Variants in ABHD5 observed in about 807,000 individuals in gnomAD.
The protein encoded by ABHD5 is 1-acylglycerol-3-phosphate O-acyltransferase ABHD5.
A neutral mutation model predicts 44.9 loss-of-function variants in ABHD5; 30 were observed. That is an observed-to-expected ratio of 0.67 (90% CI 0.50 to 0.91). The LOEUF (loss-of-function observed/expected upper bound fraction) is 0.91, where lower values mean the gene tolerates loss of function less well. Among genes scored for constraint, ABHD5 ranks in the 40% least tolerant of loss-of-function variants. The pLI, the probability that ABHD5 is intolerant of heterozygous loss-of-function variation, is 0.00. For synonymous variants in ABHD5, 167 were observed against 147.0 expected (o/e 1.14, Z -0.99); for missense variants, 399 against 423.4 (o/e 0.94, Z 0.50).
chr3:43,699,241 C>A, intron 1 of ABHD5, 35 bp from the exon 2 acceptor site: 1 of 1,555,928 alleles, frequency 6.4e-7, no homozygotes, highest in Non-Finnish European at 8.9e-7. Flanking sequence ...AGAGCATGAA[C>A]TCACCTATTT....
intron 5 of ABHD5, 25 bp from the exon 6 acceptor site, chr3:43,717,646 C>T (rs768126868): frequency 3.0e-5 from 48 of 1,611,360 alleles, no homozygotes; most frequent in Non-Finnish European, 3.5e-5. Flanking sequence ...AATCATACAT[C>T]GTGATTTTCT....
At position 43,711,778 on chromosome 3, in the gene ABHD5, A is replaced by T; in HGVS notation, c.576A>T (p.Arg192Ser). ...PERPDLADQD[R>S]PIPVWIRALG... ...GACCAGACCTTGCTGATCAAGACAGACCAATTCCAGTTTGGATCAGAGCCT... is the reference window on the plus strand; with the variant it reads ...GACCAGACCTTGCTGATCAAGACAGTCCAATTCCAGTTTGGATCAGAGCCT... The change falls in exon 4 of 7, where the codon AGA becomes AGT. Residue 192 changes from arginine (R) to serine (S), a missense_variant. Arg to Ser is a moderately radical substitution (Grantham distance 110). Coordinates refer to ENST00000644371, the MANE Select transcript of ABHD5 (RefSeq NM_016006.6). 3.1e-6 allele frequency: 5 copies of T among 1,614,182 alleles called. No individual in the cohort carries two copies. The highest frequency in any genetic ancestry group is 4.2e-6 in the Non-Finnish European group (5 of 1,180,028).
intron 3 of ABHD5, 87 bp from the exon 4 acceptor site, chr3:43,711,622 T>C: frequency 6.7e-7 from 1 of 1,500,728 alleles, no homozygotes; most frequent in Non-Finnish European, 9.3e-7. Context: ...TGGTTCATTC[T>C]ACCTTTATTT....
chr3:43,691,769 G>A (rs1005175599), intron 1 of ABHD5, among the ~76,000 whole-genome samples: 1 of 152,208 alleles, frequency 6.6e-6, no homozygotes, highest in Non-Finnish European at 1.5e-5. Flanking sequence ...TCATCTTTCG[G>A]ATGAAGGTCT....
At chr3:43,733,760 A>G (rs1697288084) in intron 7 of ABHD5, 1 of 152,242 alleles carries the variant, frequency 6.6e-6, no homozygotes, top group African/African-American at 2.4e-5. Context: ...CCATCCTGGC[A>G]TAAATTTTAA....
chr3:43,709,986 T>C (rs1014649709), intron 3 of ABHD5, among the ~76,000 whole-genome samples: 1 of 152,118 alleles, frequency 6.6e-6, no homozygotes, highest in African/African-American at 2.4e-5. Context: ...GAGGTTGAAG[T>C]GAACTGAGAT....
At chr3:43,700,787 T>A (rs929436002) in intron 2 of ABHD5, among the ~76,000 whole-genome samples, 3 of 152,068 alleles carry the variant, frequency 2.0e-5, no homozygotes, top group African/African-American at 7.2e-5. Context: ...TTGACCAGGC[T>A]AGTCTTGAAC....
At chr3:43,725,828 T>G (rs900060660), downstream of ABHD5, among the ~76,000 whole-genome samples, 1 of 151,850 alleles carries the variant, frequency 6.6e-6, no homozygotes, top group Admixed American at 6.6e-5. Context: ...TTTATCAGGT[T>G]CATTAAGGGC....
At chr3:43,705,076 A>G (rs547200212) in intron 3 of ABHD5, among the ~76,000 whole-genome samples, 1 of 152,348 alleles carries the variant, frequency 6.6e-6, no homozygotes, top group South Asian at 2.1e-4. Context: ...GTCAGTCAGA[A>G]CACCATGGTT....
At chr3:43,699,478 T>C in intron 2 of ABHD5, 117 bp downstream of exon 2, 2 of 993,010 alleles carry the variant, frequency 2.0e-6, no homozygotes, top group South Asian at 1.4e-5. Context: ...GCAAAATAAC[T>C]TTTTTCCTTT....
At chr3:43,715,295 G>A (rs894253198) in intron 5 of ABHD5, among the ~76,000 whole-genome samples, 1 of 152,048 alleles carries the variant, frequency 6.6e-6, no homozygotes, top group Admixed American at 6.6e-5. Context: ...TGAGTAGCTG[G>A]GATTACAGGC....
chr3:43,691,762 T>A (rs2084393213), intron 1 of ABHD5, among the ~76,000 whole-genome samples: 1 of 152,198 alleles, frequency 6.6e-6, no homozygotes, highest in South Asian at 2.1e-4. Flanking sequence ...TCATAATTCA[T>A]CTTTCGGATG....
At chr3:43,701,607 A>G (rs1356422009) in intron 2 of ABHD5, among the ~76,000 whole-genome samples, 2 of 152,212 alleles carry the variant, frequency 1.3e-5, no homozygotes, top group Non-Finnish European at 2.9e-5. Flanking sequence ...GGAGATTACT[A>G]GAGTTGGACC....
Position 43,722,325 on chromosome 3 carries a change from G to A in ABHD5, c.*3793G>A, listed in dbSNP as rs2084846203. ...GAATATAGGAAATGAAAAATGTAAA[G>A]CACAGAAGAGAATGTATGGTGTGCT... On this transcript the variant is annotated 3_prime_UTR_variant, in exon 7 of 7. Transcript: ENST00000644371. 6.6e-6 allele frequency: 1 copy of A among 152,192 alleles called. No homozygotes were observed. The allele number at this position is 152,192 out of a possible 1,614,324, so 9.4% of individuals were successfully genotyped here.
chr3:43,713,869 G>T (rs2084722443), intron 4 of ABHD5, among the ~76,000 whole-genome samples: 1 of 152,024 alleles, frequency 6.6e-6, no homozygotes, highest in Non-Finnish European at 1.5e-5. Context: ...TTGCACTTGG[G>T]GGTGGGGAGG....
chr3:43,717,693 A>G lies in ABHD5; in HGVS notation c.796A>G (p.Met266Val). ...TPSGETAFKN[M>V]TIPYGWAKRP... ...AAGTGGTGAGACAGCTTTCAAGAAT[A>G]TGACTATTCCTTATGGATGGGCAAA... Residue 266 changes from methionine to valine, a missense_variant, in exon 6 of 7, where the codon ATG (methionine) becomes GTG (valine). Physicochemically the swap from Met to Val is conservative, Grantham distance 21. Transcript: ENST00000644371. 6.2e-7 allele frequency: 1 copy of G among 1,614,212 alleles called. No homozygotes were observed. Among genetic ancestry groups the G allele is most frequent in the Non-Finnish European group, 8.5e-7 (1 of 1,180,044 alleles).
At chr3:43,733,925 C>T (rs1368330304) in exon 8 of ABHD5, 3 of 152,200 alleles carry the variant, frequency 2.0e-5, no homozygotes. Flanking sequence ...AGTCTGGATT[C>T]TTGTCCCAGT....
chr3:43,698,718 A>T (rs2149593611), intron 1 of ABHD5, among the ~76,000 whole-genome samples: 1 of 152,234 alleles, frequency 6.6e-6, no homozygotes, highest in East Asian at 1.9e-4. Context: ...TAACCAGTTC[A>T]CCCTAAGGAG....
In ABHD5 at chr3:43,729,143, T is replaced by C. The variant is rs147401171; in HGVS notation, c.*30-4737T>C. The stretch of plus-strand genomic sequence containing the variant: ...TCCTTGTGGAAAAGCAGTAGTTCTC[T>C]TCCCCAGAAAGGACTGGGGTCAAAG... On this transcript the variant is annotated intron_variant, in intron 7 of 7. Coordinates refer to the ABHD5 transcript ENST00000454293. Among the ~76,000 whole-genome samples, 367 of 152,334 alleles carry C rather than the reference T, an allele frequency of 2.4e-3. 2 individuals carry two copies. The highest frequency in any genetic ancestry group is 8.5e-3 in the African/African-American group (352 of 41,578).
Sources: allele counts gnomAD v4.1 joint callset (sites outside exome capture counted in the v4.1 genomes callset), GRCh38; gene constraint gnomAD v4.1.1; transcripts MANE v1.5; gene names NCBI Gene and HGNC (gene_info 2026-07-23, HGNC 2026-07-21).